The following APPL2 variants were observed in gnomAD, a reference collection of about 807,000 sequenced individuals.
APPL2 encodes DCC-interacting protein 13-beta.
Under a neutral mutation model 92.7 loss-of-function variants are expected in APPL2, and 84 were observed. The observed-to-expected ratio is 0.91, with a 90% CI of 0.76 to 1.09. The LOEUF (loss-of-function observed/expected upper bound fraction) is 1.09, where lower values mean the gene tolerates loss of function less well. APPL2 is among the 50% of genes least tolerant of loss of function. The pLI is 0.00. For synonymous variants in APPL2, 291 were observed against 291.0 expected (o/e 1.00, Z 0.00); for missense variants, 736 against 824.5 (o/e 0.89, Z 1.31).
intron 17 of APPL2, among the ~76,000 whole-genome samples, chr12:105,183,392 T>C (rs1392637073): frequency 6.6e-6 from 1 of 152,196 alleles, no homozygotes; most frequent in African/African-American, 2.4e-5. Context: ...CAGTGGCTGG[T>C]ACTGGTTTTT....
intron 20 of APPL2, among the ~76,000 whole-genome samples, chr12:105,175,207 G>A (rs1332748877): frequency 6.6e-6 from 1 of 152,152 alleles, no homozygotes; most frequent in African/African-American, 2.4e-5. Flanking sequence ...TGATAGCAGA[G>A]TTGAATCTGT....
intron 1 of APPL2, among the ~76,000 whole-genome samples, chr12:105,231,292 G>C (rs1890900700): frequency 6.6e-6 from 1 of 152,148 alleles, no homozygotes; most frequent in South Asian, 2.1e-4. Context: ...GAAGAAAAGA[G>C]GTAAAAAGGG....
At chr12:105,194,018 C>G (rs1021577257) in intron 14 of APPL2, among the ~76,000 whole-genome samples, 11 of 152,304 alleles carry the variant, frequency 7.2e-5, no homozygotes, top group African/African-American at 2.6e-4. Context: ...TACCCCGTGC[C>G]CGGCATGTGA....
Position 105,186,646 on chromosome 12 carries a change from A to ATATATC in APPL2, c.1634+1626_1634+1627insGATATA, listed in dbSNP as rs1886679841. Among the ~76,000 whole-genome samples the ATATATC allele has an allele frequency of 7.8e-5, 4 of 51,074 alleles. No homozygotes were observed. The South Asian group carries it at 3.9e-3, about 49-fold the overall frequency. The allele number at this position is 51,074 out of a possible 152,430, so 33.5% of individuals were successfully genotyped here. On this transcript the variant is annotated intron_variant, in intron 17 of 20. Coordinates refer to ENST00000258530, the MANE Select transcript of APPL2 (RefSeq NM_018171.5). ...ATATATCATATATATCATATATATG[A>ATATATC]TATCGATATCATATATATCATATAT...
At chr12:105,231,858 T>C (rs751180460) in intron 1 of APPL2, among the ~76,000 whole-genome samples, 3 of 152,222 alleles carry the variant, frequency 2.0e-5, no homozygotes, top group Non-Finnish European at 2.9e-5. Flanking sequence ...CCAGCTACCT[T>C]GGACACTGGC....
chr12:105,214,771 G>C (rs1438355289), intron 4 of APPL2, among the ~76,000 whole-genome samples: 1 of 152,032 alleles, frequency 6.6e-6, no homozygotes, highest in Admixed American at 6.6e-5. Flanking sequence ...TGGCCTCCAG[G>C]ATAGGGGCTG....
Position 105,217,726 on chromosome 12 carries a change from C to G in APPL2, c.154-1G>C. The stretch of plus-strand genomic sequence containing the variant: ...GTTGTGTGGCCAGGCACATCTCATT[C>G]TGTGGAGAGAAGAGAAAAAGCAAGT... On this transcript the variant is annotated splice_acceptor_variant, in intron 2 of 20. Transcript: ENST00000258530. LOFTEE classifies it high-confidence loss of function. The G allele has an allele frequency of 6.2e-7, 1 of 1,613,604 alleles. No individual in the cohort carries two copies. The highest frequency in any genetic ancestry group is 8.5e-7 in the Non-Finnish European group (1 of 1,179,946).
intron 2 of APPL2, among the ~76,000 whole-genome samples, chr12:105,221,602 T>C (rs1196407768): frequency 6.6e-6 from 1 of 152,214 alleles, no homozygotes; most frequent in Non-Finnish European, 1.5e-5. Flanking sequence ...CACACTTTTC[T>C]AGTGGTAGAA....
intron 17 of APPL2, among the ~76,000 whole-genome samples, chr12:105,184,045 G>T (rs7966215): frequency 6.6e-6 from 1 of 151,924 alleles, no homozygotes; most frequent in South Asian, 2.1e-4. Context: ...CCACTTGATC[G>T]ATTTGACTAT....
chr12:105,195,550 C>T (rs372240963), intron 12 of APPL2, 35 bp downstream of exon 12: 144 of 1,614,052 alleles, frequency 8.9e-5, no homozygotes, highest in Non-Finnish European at 1.1e-4. Context: ...TCACCCACCA[C>T]GTTAGGAAAG....
At chr12:105,232,693 G>A (rs569243260) in intron 1 of APPL2, among the ~76,000 whole-genome samples, 1 of 150,124 alleles carries the variant, frequency 6.7e-6, no homozygotes, top group South Asian at 2.1e-4. Context: ...GAGCCCAGGA[G>A]GCTGAGGCTG....
intron 16 of APPL2, 52 bp downstream of exon 16, chr12:105,189,720 C>G: frequency 6.5e-7 from 1 of 1,536,940 alleles, no homozygotes; most frequent in Non-Finnish European, 9.0e-7. Context: ...TTTCAATGGC[C>G]GTTGTCATTT....
intron 4 of APPL2, 128 bp from the exon 5 acceptor site, chr12:105,211,445 A>G: frequency 1.5e-6 from 1 of 647,074 alleles, no homozygotes; most frequent in Admixed American, 2.6e-5. Context: ...TTCCTCAGCA[A>G]GTAAGTACCC....
At chr12:105,214,377 A>G (rs1889476497) in intron 4 of APPL2, among the ~76,000 whole-genome samples, 1 of 152,200 alleles carries the variant, frequency 6.6e-6, no homozygotes. Context: ...CATGTGACTC[A>G]GGAGTGTAGT....
At chr12:105,217,797 G>C in intron 2 of APPL2, 72 bp from the exon 3 acceptor site, 1 of 1,440,596 alleles carries the variant, frequency 6.9e-7, no homozygotes. Context: ...TGCCATCTCT[G>C]AGAATCCCTT....
intron 9 of APPL2, among the ~76,000 whole-genome samples, chr12:105,203,012 CA>C (rs1888353219): frequency 1.0e-3 from 1 of 962 alleles, no homozygotes; most frequent in African/African-American, 3.7e-3. Flanking sequence ...TTGTCAACTA[CA>C]CACACACACA....
intron 1 of APPL2, among the ~76,000 whole-genome samples, chr12:105,230,818 T>C (rs914063294): frequency 6.6e-6 from 1 of 152,220 alleles, no homozygotes; most frequent in Non-Finnish European, 1.5e-5. Flanking sequence ...CTGTCTTCAG[T>C]ACCAATGCTT....
rs928508375 is a variant in APPL2, at chr12:105,199,507, C to T, written c.729G>A (p.Glu243=). The T allele has an allele frequency of 3.7e-6, 6 of 1,613,810 alleles. No homozygotes were observed. The African/African-American group carries it at 8.0e-5, about 22-fold the overall frequency. ...VQSIQVELEA[E]AEKMRVSQQE... is the part of the protein sequence containing the mutation. ...GCTGGGACACCCGCATCTTTTCCGC[C>T]TCGGCTTCCAGTTCTACCTGAATGC... Residue 243 remains glutamate, a synonymous_variant, in exon 10 of 21, where the codon GAG becomes GAA. Coordinates refer to ENST00000258530, the MANE Select transcript of APPL2 (RefSeq NM_018171.5).
chr12:105,216,466 T>A (rs964024958), intron 4 of APPL2, among the ~76,000 whole-genome samples: 2 of 151,274 alleles, frequency 1.3e-5, no homozygotes, highest in African/African-American at 4.9e-5. Flanking sequence ...AAAAAGAGTC[T>A]TTGCAGATGT....
Sources: gnomAD v4.1 joint callset for allele counts (sites outside exome capture counted in the v4.1 genomes callset) on GRCh38, gnomAD v4.1.1 for gene constraint, MANE v1.5 for transcripts, NCBI Gene and HGNC (gene_info 2026-07-23, HGNC 2026-07-21) for gene names.